Variants in CNTNAP5 observed in about 807,000 individuals in gnomAD.
The protein encoded by CNTNAP5 is contactin-associated protein-like 5.
A neutral mutation model predicts 150.2 loss-of-function variants in CNTNAP5; 72 were observed. The ratio of observed to expected loss-of-function variants is 0.48; its 90% CI spans 0.40 to 0.58. The LOEUF (loss-of-function observed/expected upper bound fraction) is 0.58, where lower values mean the gene tolerates loss of function less well. Ranked by LOEUF, CNTNAP5 falls within the 20% of genes least tolerant of loss-of-function variation. The pLI is 0.00. For synonymous variants in CNTNAP5, 672 were observed against 619.8 expected (o/e 1.08, Z -1.25); for missense variants, 1,636 against 1,626.2 (o/e 1.01, Z -0.10).
At chr2:124,522,608 G>C (rs1694870349) in intron 8 of CNTNAP5, among the ~76,000 whole-genome samples, 1 of 152,192 alleles carries the variant, frequency 6.6e-6, no homozygotes, top group Admixed American at 6.5e-5. Context: ...CGGATGCCTG[G>C]GGCCCATGCC....
At chr2:124,457,349 C>T (rs2104816689) in intron 6 of CNTNAP5, among the ~76,000 whole-genome samples, 1 of 152,296 alleles carries the variant, frequency 6.6e-6, no homozygotes, top group South Asian at 2.1e-4. Context: ...GAACAGTCAG[C>T]AGAATAAACA....
intron 13 of CNTNAP5, among the ~76,000 whole-genome samples, chr2:124,670,347 A>C (rs1232724469): frequency 1.3e-5 from 2 of 151,670 alleles, no homozygotes; most frequent in Non-Finnish European, 2.9e-5. Context: ...CTTTTCATGT[A>C]CTTGCTGGCC....
chr2:124,639,931 C>T (rs1026443024), intron 12 of CNTNAP5, among the ~76,000 whole-genome samples: 6 of 151,964 alleles, frequency 3.9e-5, no homozygotes, highest in African/African-American at 7.3e-5. Flanking sequence ...TGTTCCCACC[C>T]ACTCCCCCCT....
At position 124,671,040 on chromosome 2, in the gene CNTNAP5, C is replaced by T. The variant is rs567414963; in HGVS notation, c.2077+23082C>T. On this transcript the variant is annotated intron_variant, in intron 13 of 23. Transcript: ENST00000682447. ...GCTACAGAGGAGGTGCCCAATATAC[C>T]CAACTGGCAGGGGAGTTCAGCCTGT... Among the ~76,000 whole-genome samples, 12 of 152,198 alleles carry T rather than the reference C, an allele frequency of 7.9e-5. No individual in the cohort carries two copies. The East Asian group carries it at 2.3e-3, about 29-fold the overall frequency.
intron 12 of CNTNAP5, among the ~76,000 whole-genome samples, chr2:124,629,660 C>T (rs769548312): frequency 2.0e-5 from 3 of 151,782 alleles, no homozygotes; most frequent in Middle Eastern, 3.4e-3. Context: ...AACTAGAGAA[C>T]CAGGAGCAAA....
At chr2:124,313,188 C>CA in intron 3 of CNTNAP5, among the ~76,000 whole-genome samples, 1 of 152,228 alleles carries the variant, frequency 6.6e-6, no homozygotes, top group Non-Finnish European at 1.5e-5. Flanking sequence ...CAATTCGTAC[C>CA]AAAAATAGTC....
At chr2:124,779,433 T>C (rs1416218558) in intron 17 of CNTNAP5, among the ~76,000 whole-genome samples, 5 of 152,186 alleles carry the variant, frequency 3.3e-5, no homozygotes, top group Non-Finnish European at 7.3e-5. Flanking sequence ...TCCTGTACCC[T>C]TAACTCCATC....
In CNTNAP5 at chr2:124,773,939, TGTGTGTGTGAGA is replaced by T. The variant is rs756236476; in HGVS notation, c.2752+924_2752+935del. Among the ~76,000 whole-genome samples, 356 of 147,184 alleles carry T rather than the reference TGTGTGTGTGAGA, an allele frequency of 2.4e-3. 2 individuals are homozygous for T. Among genetic ancestry groups the T allele is most frequent in the African/African-American group, 8.7e-3 (330 of 37,930 alleles). Reference sequence around the variant, plus strand: ...GTGTGTGTGTGTGTGTGTGTGTGTGTGTGTGTGTGAGAGAGAGAGAGAGAGAGAGAGACTAAT... The same window carrying T: ...GTGTGTGTGTGTGTGTGTGTGTGTGTGAGAGAGAGAGAGAGAGAGACTAAT... On this transcript the variant is annotated intron_variant, in intron 17 of 23. Coordinates refer to ENST00000682447, the MANE Select transcript of CNTNAP5 (RefSeq NM_001367498.1).
chr2:124,033,408 T>C (rs1681117462), intron 1 of CNTNAP5, among the ~76,000 whole-genome samples: 1 of 152,220 alleles, frequency 6.6e-6, no homozygotes, highest in African/African-American at 2.4e-5. Flanking sequence ...CACTATTTAC[T>C]GAATAGGTGG....
intron 1 of CNTNAP5, among the ~76,000 whole-genome samples, chr2:124,115,792 T>TTGTGTGTGTGTGTGTGTGTGTGTG (rs5834038): frequency 1.4e-5 from 2 of 138,206 alleles, no homozygotes; most frequent in African/African-American, 5.4e-5. Context: ...GCCTGGCTAA[T>TTGTGTGTGTGTGTGTGTGTGTGTG]TGTGTGTGTG....
chr2:124,808,618 A>G, intron 19 of CNTNAP5, among the ~76,000 whole-genome samples: 1 of 152,140 alleles, frequency 6.6e-6, no homozygotes, highest in East Asian at 1.9e-4. Flanking sequence ...GCAATCAAAT[A>G]ACTTTTTATT....
Position 124,772,971 on chromosome 2 carries a change from G to A in CNTNAP5, c.2706G>A (p.Ser902=), listed in dbSNP as rs536438687. The stretch of plus-strand genomic sequence containing the variant: ...TTCCAAGGAGCACCAGGGAGACGTC[G>A]GAGGAGGGCCATTTTCGACTGCAGC... ...DNLPRSTRET[S]EEGHFRLQLN... The change falls in exon 17 of 24, where the codon TCG becomes TCA. Residue 902 remains serine, a synonymous_variant. Coordinates refer to ENST00000682447, the MANE Select transcript of CNTNAP5 (RefSeq NM_001367498.1). 24 of 1,613,572 alleles carry A rather than the reference G, an allele frequency of 1.5e-5. No homozygotes were observed. The highest frequency in any genetic ancestry group is 4.4e-5 in the South Asian group (4 of 91,060).
At chr2:124,813,769 G>A (rs1026584372) in intron 19 of CNTNAP5, among the ~76,000 whole-genome samples, 9 of 151,742 alleles carry the variant, frequency 5.9e-5, no homozygotes, top group African/African-American at 1.9e-4. Flanking sequence ...TCACCCCTCT[G>A]GAGTCCATCA....
intron 19 of CNTNAP5, among the ~76,000 whole-genome samples, chr2:124,811,413 C>G (rs953860187): frequency 1.6e-4 from 25 of 152,078 alleles, no homozygotes; most frequent in African/African-American, 5.1e-4. Context: ...AAATTGAATG[C>G]TTCAAATAAA....
chr2:124,892,892 T>C (rs1480229225), intron 21 of CNTNAP5, among the ~76,000 whole-genome samples: 1 of 152,122 alleles, frequency 6.6e-6, no homozygotes, highest in African/African-American at 2.4e-5. Context: ...ATATGCTGTC[T>C]TGAAGAAGAG....
At chr2:124,053,159 G>A (rs1282085488) in intron 1 of CNTNAP5, among the ~76,000 whole-genome samples, 5 of 152,258 alleles carry the variant, frequency 3.3e-5, no homozygotes, top group Admixed American at 2.0e-4. Flanking sequence ...TGAGGTAGAT[G>A]TCCTGGCTGC....
intron 3 of CNTNAP5, among the ~76,000 whole-genome samples, chr2:124,363,092 G>A (rs759345156): frequency 2.0e-5 from 3 of 152,182 alleles, no homozygotes; most frequent in Non-Finnish European, 4.4e-5. Context: ...TGTGGTGAGT[G>A]ATATGAAGGC....
chr2:124,573,005 C>G (rs897907859), intron 11 of CNTNAP5, among the ~76,000 whole-genome samples: 2 of 152,118 alleles, frequency 1.3e-5, no homozygotes, highest in African/African-American at 4.8e-5. Flanking sequence ...TATTTGGCAC[C>G]TAGTTACACA....
At chr2:124,293,902 G>A (rs1459935291) in intron 3 of CNTNAP5, among the ~76,000 whole-genome samples, 1 of 152,214 alleles carries the variant, frequency 6.6e-6, no homozygotes, top group Non-Finnish European at 1.5e-5. Context: ...GCTGAGTCTG[G>A]GGGGCTGAGA....
Sources: allele counts gnomAD v4.1 joint callset (sites outside exome capture counted in the v4.1 genomes callset), GRCh38; gene constraint gnomAD v4.1.1; transcripts MANE v1.5; gene names NCBI Gene and HGNC (gene_info 2026-07-23, HGNC 2026-07-21).